HACE1: variants seen among roughly 807,000 people sequenced by gnomAD.
HACE1 encodes the protein HECT domain and ankyrin repeat containing E3 ubiquitin protein ligase 1.
Under a neutral mutation model 118.4 loss-of-function variants are expected in HACE1, and 73 were observed. That is an observed-to-expected ratio of 0.62 (90% CI 0.51 to 0.75). HACE1 has a LOEUF of 0.75. HACE1 is among the 30% of genes least tolerant of loss of function. The pLI, the probability that HACE1 is intolerant of heterozygous loss-of-function variation, is 0.00. For synonymous variants in HACE1, 368 were observed against 374.8 expected, an observed-to-expected ratio of 0.98 and a Z score of 0.21; for missense variants, 749 against 1,102.2, an observed-to-expected ratio of 0.68 and a Z score of 4.54.
intron 17 of HACE1, among the ~76,000 whole-genome samples, chr6:104,775,620 G>C (rs529583789): frequency 5.9e-5 from 9 of 152,258 alleles, no homozygotes; most frequent in African/African-American, 1.9e-4. Context: ...TGACTTCACT[G>C]AACTCGTCAT....
chr6:104,812,092 G>A (rs74850099), intron 6 of HACE1, among the ~76,000 whole-genome samples: 1,494 of 148,450 alleles, frequency 0.01, 25 homozygotes, highest in African/African-American at 0.036. Context: ...GTTGATTAAG[G>A]ACAGGACAGG....
intron 7 of HACE1, among the ~76,000 whole-genome samples, chr6:104,798,102 A>G (rs1393948180): frequency 4.0e-5 from 6 of 151,674 alleles, no homozygotes; most frequent in Non-Finnish European, 7.4e-5. Flanking sequence ...GAAAGAAAAG[A>G]GAAGAAAAGA....
At chr6:104,830,310 A>T (rs1773730153) in intron 6 of HACE1, among the ~76,000 whole-genome samples, 1 of 152,214 alleles carries the variant, frequency 6.6e-6, no homozygotes, top group Admixed American at 6.5e-5. Flanking sequence ...TACGTTTTAA[A>T]TTTAATAATA....
chr6:104,807,019 C>CA (rs1554250923), intron 7 of HACE1, among the ~76,000 whole-genome samples: 1 of 129,160 alleles, frequency 7.7e-6, no homozygotes. Flanking sequence ...TGTAAGAATT[C>CA]TTTTTTTTTT....
Position 104,826,758 on chromosome 6 carries a change from G to A in HACE1, c.534+6284C>T, listed in dbSNP as rs375594388. ...ACGCTACATTTATACATAATTTTAA[G>A]AGCTATATGCCTAAAACTGGATCGA... is the stretch of plus-strand genomic sequence containing the variant. On this transcript the variant is annotated intron_variant, in intron 6 of 23. Transcript: ENST00000262903. Among the ~76,000 whole-genome samples the A allele has an allele frequency of 4.1e-4, 63 of 152,180 alleles. No homozygotes were observed. The Middle Eastern group carries it at 0.01, about 25-fold the overall frequency.
chr6:104,852,195 C>CTG (rs201776642), intron 2 of HACE1, 122 bp downstream of exon 2: 142,722 of 537,520 alleles, frequency 0.27, 8,448 homozygotes, highest in East Asian at 0.3. Context: ...TATGTCCAAA[C>CTG]TGTCTGTGTG....
intron 5 of HACE1, among the ~76,000 whole-genome samples, chr6:104,841,352 T>C (rs1229231827): frequency 6.6e-6 from 1 of 152,158 alleles, no homozygotes; most frequent in Non-Finnish European, 1.5e-5. Flanking sequence ...CTTATGCAAT[T>C]AAAACAGATT....
intron 7 of HACE1, among the ~76,000 whole-genome samples, chr6:104,803,544 G>A (rs953345651): frequency 6.6e-6 from 1 of 152,172 alleles, no homozygotes; most frequent in East Asian, 1.9e-4. Context: ...TCCCTGGGAT[G>A]CAAGGCTGGC....
chr6:104,745,606 A>G (rs1362199867), intron 20 of HACE1, among the ~76,000 whole-genome samples: 11 of 151,898 alleles, frequency 7.2e-5, no homozygotes, highest in Non-Finnish European at 5.9e-5. Context: ...ATGCCCGGCT[A>G]ATTTTTTTGT....
At chr6:104,763,816 G>A (rs1041325297) in intron 19 of HACE1, among the ~76,000 whole-genome samples, 9 of 152,234 alleles carry the variant, frequency 5.9e-5, no homozygotes, top group Middle Eastern at 3.4e-3. Flanking sequence ...TTGGGAGGCC[G>A]AGGTGGGCAG....
At chr6:104,803,910 G>C (rs898383167) in intron 7 of HACE1, among the ~76,000 whole-genome samples, 40 of 152,190 alleles carry the variant, frequency 2.6e-4, no homozygotes, top group African/African-American at 9.2e-4. Flanking sequence ...ATTAGGAAAA[G>C]AGGAAGTCAA....
At chr6:104,835,565 A>G (rs2115110074) in intron 5 of HACE1, among the ~76,000 whole-genome samples, 1 of 152,068 alleles carries the variant, frequency 6.6e-6, no homozygotes, top group African/African-American at 2.4e-5. Flanking sequence ...AAAAAGTAGG[A>G]AAATTAAAGG....
At chr6:104,852,539 A>C (rs758002774) in intron 1 of HACE1, among the ~76,000 whole-genome samples, 168 bp from the exon 2 acceptor site, 1 of 152,206 alleles carries the variant, frequency 6.6e-6, no homozygotes, top group Non-Finnish European at 1.5e-5. Context: ...TACGATAGTG[A>C]AGAATCTTTC....
chr6:104,777,406 A>G lies in HACE1; in HGVS notation c.1567-89T>C, dbSNP rs149966854. The stretch of plus-strand genomic sequence containing the variant: ...CTAGCTTGCTAAATGCCTTTTCTAC[A>G]AATAATCATTCTTAGATCTTTATTT... On this transcript the variant is annotated intron_variant, in intron 14 of 23. Transcript: ENST00000262903. 2,002 of 802,374 alleles carry G rather than the reference A, an allele frequency of 2.5e-3. 28 individuals carry two copies. The African/African-American group carries it at 0.03, about 12-fold the overall frequency. 49.7% of individuals were successfully genotyped at this position (802,374 alleles called of 1,614,324 possible). A position where few individuals can be genotyped will look rare whatever the true frequency, so the allele number is the denominator to read the frequency against.
At chr6:104,798,935 A>G (rs1769991931) in intron 7 of HACE1, among the ~76,000 whole-genome samples, 1 of 152,202 alleles carries the variant, frequency 6.6e-6, no homozygotes, top group Non-Finnish European at 1.5e-5. Flanking sequence ...AAACTTCCTG[A>G]CAGTAGGCTT....
chr6:104,729,887 T>C, intron 23 of HACE1, 123 bp from the exon 24 acceptor site: 2 of 686,978 alleles, frequency 2.9e-6, no homozygotes, highest in Admixed American at 2.1e-5. Flanking sequence ...TGCATTCAGA[T>C]TGAAAAACCC....
At chr6:104,776,670 A>C (rs368939425) in intron 17 of HACE1, 71 bp downstream of exon 17, 1 of 934,120 alleles carries the variant, frequency 1.1e-6, no homozygotes, top group Admixed American at 1.7e-5. Flanking sequence ...GAAATCAAAA[A>C]TAAAATGTAC....
At position 104,859,647 on chromosome 6, in the gene HACE1, G is replaced by A. The variant is rs1195724532; in HGVS notation, c.-5C>T. On this transcript the variant is annotated 5_prime_UTR_variant, in exon 1 of 24. Coordinates refer to ENST00000262903, the MANE Select transcript of HACE1 (RefSeq NM_020771.4). ...TTGCTCCATCGCTCTCTCCATCCTC[G>A]GCGCGCCCTCCGCGATCCTCCGCGA... The A allele has an allele frequency of 1.1e-5, 17 of 1,531,328 alleles. No individual in the cohort carries two copies. 94.9% of individuals were successfully genotyped at this position (1,531,328 alleles called of 1,614,324 possible).
chr6:104,785,041 C>T lies in HACE1; in HGVS notation c.1353G>A (p.Arg451=), dbSNP rs751401777. ...CQDVISMTAN[R]LSAVIQAFYM... ...AAAAAGCTTGAATGACAGCACTTAG[C>T]CGGTTAGCTGTCATAGAAATAACAT... Residue 451 remains arginine, a synonymous_variant, in exon 12 of 24, where the codon CGG becomes CGA. Coordinates refer to ENST00000262903, the MANE Select transcript of HACE1 (RefSeq NM_020771.4). 2 of 1,613,702 alleles carry T rather than the reference C, an allele frequency of 1.2e-6. No homozygotes were observed. The highest frequency in any genetic ancestry group is 1.7e-4 in the Middle Eastern group (1 of 6,060).
Sources: gnomAD v4.1 joint callset for allele counts (sites outside exome capture counted in the v4.1 genomes callset) on GRCh38, gnomAD v4.1.1 for gene constraint, MANE v1.5 for transcripts, NCBI Gene and HGNC (gene_info 2026-07-23, HGNC 2026-07-21) for gene names.